TIE1: variants seen among roughly 807,000 people sequenced by gnomAD.
TIE1 encodes tyrosine-protein kinase receptor Tie-1.
In TIE1, 89 loss-of-function variants were observed where a neutral mutation model predicts 130.5. That is an observed-to-expected ratio of 0.68 (90% CI 0.57 to 0.81). The LOEUF (loss-of-function observed/expected upper bound fraction) is 0.81. TIE1 is among the 40% of genes least tolerant of loss of function. TIE1 has a pLI of 0.00. For missense variants in TIE1, 1,392 were observed against 1,559.8 expected (o/e 0.89, Z 1.81); for synonymous variants, 568 against 629.4 (o/e 0.90, Z 1.46).
intron 9 of TIE1, among the ~76,000 whole-genome samples, chr1:43,311,382 C>G (rs1646788920): frequency 6.6e-6 from 1 of 151,878 alleles, no homozygotes; most frequent in Admixed American, 6.6e-5. Flanking sequence ...GGTTTCGGCC[C>G]CTTCTGTCTA....
In TIE1 at chr1:43,315,235, G is replaced by A. The variant is rs1646847941; in HGVS notation, c.2409+1267G>A. Reference sequence around the variant, plus strand: ...CTCTGTCCTTGGCCTTCCAGGCCTGGACTCTTGATATTTAGAGCTAAGCTT... The same window carrying A: ...CTCTGTCCTTGGCCTTCCAGGCCTGAACTCTTGATATTTAGAGCTAAGCTT... On this transcript the variant is annotated intron_variant, in intron 14 of 22. Coordinates refer to ENST00000372476, the MANE Select transcript of TIE1 (RefSeq NM_005424.5). The surrounding 1 kb of genome is among the most constrained non-coding windows in gnomAD (Gnocchi z 4.4). 6.6e-6 allele frequency: 1 copy of A among 152,236 alleles called. No homozygotes were observed. The highest frequency in any genetic ancestry group is 6.5e-5 in the Admixed American group (1 of 15,286). The allele number at this position is 152,236 out of a possible 1,614,324, so 9.4% of individuals were successfully genotyped here. A position where few individuals can be genotyped will look rare whatever the true frequency, so the allele number is the denominator to read the frequency against.
Position 43,304,889 on chromosome 1 carries a change from C to T in TIE1, c.97C>T (p.Leu33Phe). The change falls in exon 2 of 23, where the codon CTC becomes TTC. Residue 33 changes from leucine (L) to phenylalanine (F), a missense_variant. Physicochemically the swap from Leu to Phe is conservative, Grantham distance 22 (BLOSUM62 0). Transcript: ENST00000372476. The stretch of plus-strand genomic sequence containing the variant: ...CCTGACGCTGCTGGCCAACCTGCGG[C>T]TCACGGACCCCCAGCGCTTCTTCCT... Reference protein sequence around the residue: ...VDLTLLANLRLTDPQRFFLTC... With the variant: ...VDLTLLANLRFTDPQRFFLTC... 7.0e-7 allele frequency: 1 copy of T among 1,426,304 alleles called. No homozygotes were observed. 88.4% of individuals were successfully genotyped at this position (1,426,304 alleles called of 1,614,324 possible). A position where few individuals can be genotyped will look rare whatever the true frequency, so the allele number is the denominator to read the frequency against.
Position 43,317,773 on chromosome 1 carries a change from G to A in TIE1, c.2731+99G>A, listed in dbSNP as rs2153912736. 12 of 1,486,482 alleles carry A rather than the reference G, an allele frequency of 8.1e-6. No individual in the cohort carries two copies. The highest frequency in any genetic ancestry group is 1.1e-5 in the Non-Finnish European group (12 of 1,079,282). The allele number at this position is 1,486,482 out of a possible 1,614,324, so 92.1% of individuals were successfully genotyped here. On this transcript the variant is annotated intron_variant, in intron 16 of 22. Coordinates refer to ENST00000372476, the MANE Select transcript of TIE1 (RefSeq NM_005424.5). The surrounding 1 kb of genome is among the most constrained non-coding windows in gnomAD (Gnocchi z 5.1). ...GCTTGCCAGGGGCTGCTGGTGACCT[G>A]TGCACCACCCTTGATCCTCCTTCAT...
chr1:43,319,242 A>C lies in TIE1; in HGVS notation c.2930A>C (p.His977Pro). ...MQYLSEKQFI[H>P]RDLAARNVLV... ...TTCTGACCCTGCCTACAGTTCATCC[A>C]CAGGGACCTGGCTGCCCGGAATGTG... Residue 977 changes from histidine (H) to proline (P), a missense_variant, in exon 18 of 23, where the codon CAC (histidine) becomes CCC (proline). Coordinates refer to ENST00000372476, the MANE Select transcript of TIE1 (RefSeq NM_005424.5). The surrounding 1 kb of genome is among the most constrained non-coding windows in gnomAD (Gnocchi z 4.7). The C allele has an allele frequency of 6.2e-7, 1 of 1,613,696 alleles. No homozygotes were observed. Among genetic ancestry groups the C allele is most frequent in the African/African-American group, 1.3e-5 (1 of 74,922 alleles).
In TIE1 at chr1:43,305,153, A is replaced by G; in HGVS notation, c.361A>G (p.Asn121Asp). ...GCGCACGCGCGTCATCTACGTGCACAACAGCCCTGGAGGTGAGTTAGGCAG... is the reference window on the plus strand; with the variant it reads ...GCGCACGCGCGTCATCTACGTGCACGACAGCCCTGGAGGTGAGTTAGGCAG... The part of the protein sequence containing the change: ...ARRTRVIYVH[N>D]SPGAHLLPDK... Residue 121 changes from asparagine to aspartate, a missense_variant, in exon 2 of 23, where the codon AAC becomes GAC. Coordinates refer to ENST00000372476, the MANE Select transcript of TIE1 (RefSeq NM_005424.5). 1 of 1,614,002 alleles carries G rather than the reference A, an allele frequency of 6.2e-7. No individual in the cohort carries two copies. The highest frequency in any genetic ancestry group is 8.5e-7 in the Non-Finnish European group (1 of 1,179,926).
In TIE1 at chr1:43,321,399, GTAC is replaced by G; in HGVS notation, c.3153_3155del (p.Thr1052del). The stretch of plus-strand genomic sequence containing the variant: ...AGCACTTTGTCCCCTCCTGCAGGAG[GTAC>G]ACCCTACTGTGGCATGACCTGTGCC... On this transcript the variant is annotated inframe_deletion, in exon 21 of 23. Transcript: ENST00000372476. 6.2e-7 allele frequency: 1 copy of G among 1,613,958 alleles called. No individual in the cohort carries two copies. Among genetic ancestry groups the G allele is most frequent in the Non-Finnish European group, 8.5e-7 (1 of 1,179,954 alleles).
rs1570443678 is a variant in TIE1, at chr1:43,313,393, G to A, written c.2186G>A (p.Ser729Asn). The A allele has an allele frequency of 6.2e-7, 1 of 1,614,026 alleles. No homozygotes were observed. Among genetic ancestry groups the A allele is most frequent in the South Asian group, 1.1e-5 (1 of 91,088 alleles). ...RASIQGLGDW[S>N]NTVEESTLGN... is the part of the protein sequence containing the mutation. The stretch of plus-strand genomic sequence containing the variant: ...AGCATTCAGGGGCTCGGGGACTGGA[G>A]CAACACAGTAGAAGAGTCCACCCTG... The change falls in exon 13 of 23, where the codon AGC becomes AAC. Residue 729 changes from serine (S) to asparagine (N), a missense_variant. Ser to Asn is a conservative substitution (Grantham distance 46). Coordinates refer to ENST00000372476, the MANE Select transcript of TIE1 (RefSeq NM_005424.5). The surrounding 1 kb of genome is among the most constrained non-coding windows in gnomAD (Gnocchi z 6.2).
intron 3 of TIE1, among the ~76,000 whole-genome samples, chr1:43,305,651 C>T (rs1421588727): frequency 6.6e-6 from 1 of 152,204 alleles, no homozygotes; most frequent in African/African-American, 2.4e-5. Flanking sequence ...TGTCACATAG[C>T]CCACCTGGCA....
chr1:43,311,960 GC>G, intron 10 of TIE1, 33 bp from the exon 11 acceptor site: 2 of 1,563,024 alleles, frequency 1.3e-6, no homozygotes. Context: ...AGAGGTGGGG[GC>G]TGAATAATGT....
At position 43,313,881 on chromosome 1, in the gene TIE1, C is replaced by T. The variant is rs1234913758; in HGVS notation, c.2322C>T (p.Leu774=). ...TGGGCTCCGTGTCTGCCACCTGCCT[C>T]ACCATCCTGGCTGCCCTTTTAACCC... The part of the protein sequence containing the change: ...AVVGSVSATC[L]TILAALLTLV... The change falls in exon 14 of 23, where the codon CTC becomes CTT. Residue 774 remains leucine (L), a synonymous_variant. Coordinates refer to ENST00000372476, the MANE Select transcript of TIE1 (RefSeq NM_005424.5). The surrounding 1 kb of genome is among the most constrained non-coding windows in gnomAD (Gnocchi z 6.2). 10 of 1,614,136 alleles carry T rather than the reference C, an allele frequency of 6.2e-6. No individual in the cohort carries two copies. The highest frequency in any genetic ancestry group is 8.5e-6 in the Non-Finnish European group (10 of 1,180,018).
chr1:43,309,523 A>G lies in TIE1; in HGVS notation c.1324A>G (p.Asn442Asp), dbSNP rs747077116. The change falls in exon 9 of 23, where the codon AAT becomes GAT. Residue 442 changes from asparagine (N) to aspartate (D), a missense_variant. By Grantham distance (23) the Asn-to-Asp change is conservative. Transcript: ENST00000372476. This position sits in a 1 kb window ranked among gnomAD's most constrained non-coding sequence, Gnocchi z 6.3. ...CCAAGACAGCCGGCGCTTCAAGGTCAATGTGAAAGGTCAGTGATGTCCTAG... is the reference window on the plus strand; with the variant it reads ...CCAAGACAGCCGGCGCTTCAAGGTCGATGTGAAAGGTCAGTGATGTCCTAG... Reference protein sequence around the residue: ...GGQDSRRFKVNVKVPPVPLAA... With the variant: ...GGQDSRRFKVDVKVPPVPLAA... 1.4e-5 allele frequency: 22 copies of G among 1,587,212 alleles called. No homozygotes were observed. In the South Asian group the frequency reaches 2.5e-4, roughly 18 times the overall value.
At chr1:43,301,823 C>T (rs941745688) in intron 1 of TIE1, among the ~76,000 whole-genome samples, 12 of 152,134 alleles carry the variant, frequency 7.9e-5, no homozygotes, top group Admixed American at 2.0e-4. Context: ...GAGCTGAGAT[C>T]GCGCCACTGC....
In TIE1 at chr1:43,307,259, C is replaced by T. The variant is rs750199271; in HGVS notation, c.758C>T (p.Thr253Ile). 3.1e-6 allele frequency: 5 copies of T among 1,614,002 alleles called. No homozygotes were observed. In the African/African-American group the frequency reaches 4.0e-5, roughly 13 times the overall value. ...GTATGCCCCCCTGGCTTCACTGGCACCCGCTGTGAACAGGGTAAGGAGGAG... is the reference window on the plus strand; with the variant it reads ...GTATGCCCCCCTGGCTTCACTGGCATCCGCTGTGAACAGGGTAAGGAGGAG... The part of the protein sequence containing the change: ...ECVCPPGFTG[T>I]RCEQACREGR... Residue 253 changes from threonine to isoleucine, a missense_variant, in exon 5 of 23, where the codon ACC (threonine) becomes ATC (isoleucine). Around this residue, in one of 6 missense-constraint regions of TIE1, gnomAD observed 415 missense variants for 424.8 expected, o/e 0.98. Coordinates refer to ENST00000372476, the MANE Select transcript of TIE1 (RefSeq NM_005424.5). The surrounding 1 kb of genome is among the most constrained non-coding windows in gnomAD (Gnocchi z 5.4).
Position 43,308,989 on chromosome 1 carries a change from G to A in TIE1, c.1046G>A (p.Arg349Gln), listed in dbSNP as rs1008882697. 14 of 1,613,860 alleles carry A rather than the reference G, an allele frequency of 8.7e-6. No individual in the cohort carries two copies. The highest frequency in any genetic ancestry group is 2.2e-5 in the East Asian group (1 of 44,892). The change falls in exon 8 of 23, where the codon CGG becomes CAG. Residue 349 changes from arginine to glutamine, a missense_variant. Coordinates refer to ENST00000372476, the MANE Select transcript of TIE1 (RefSeq NM_005424.5). ...GATGAGTGTCCTTTCTCCCCAGACC[G>A]GATCCCCCAGATCCTCAACATGGCC... The part of the protein sequence containing the change: ...WHGVHCEKSD[R>Q]IPQILNMASE...
At position 43,307,854 on chromosome 1, in the gene TIE1, T is replaced by C; in HGVS notation, c.972T>C (p.Gly324=). 2.5e-6 allele frequency: 4 copies of C among 1,614,164 alleles called. No homozygotes were observed. Among genetic ancestry groups the C allele is most frequent in the East Asian group, 2.2e-5 (1 of 44,882 alleles). Residue 324 remains glycine, a synonymous_variant, in exon 7 of 23, where the codon GGT becomes GGC. Coordinates refer to ENST00000372476, the MANE Select transcript of TIE1 (RefSeq NM_005424.5). The surrounding 1 kb of genome is among the most constrained non-coding windows in gnomAD (Gnocchi z 5.4). ...DCRLQCQCQN[G]GTCDRFSGCV... is the part of the protein sequence containing the mutation. ...GACTCCAGTGCCAGTGTCAGAATGG[T>C]GGCACTTGTGACCGGTTCAGTGGTT... is the stretch of plus-strand genomic sequence containing the variant.
chr1:43,312,595 C>G lies in TIE1; in HGVS notation c.1921C>G (p.Pro641Ala). The change falls in exon 12 of 23, where the codon CCC (proline) becomes GCC (alanine). Residue 641 changes from proline (P) to alanine (A), a missense_variant. Around this residue, in one of 6 missense-constraint regions of TIE1, gnomAD observed 551 missense variants for 565.5 expected, o/e 0.97. Transcript: ENST00000372476. The surrounding 1 kb of genome is among the most constrained non-coding windows in gnomAD (Gnocchi z 5.6). ...ASPPAHVLLP[P>A]SGPPAPRHLH... ...GCCCCCTGCACACGTGCTTCTGCCCCCCAGTGGTATGTGCAAGGCGCAAGG... is the reference window on the plus strand; with the variant it reads ...GCCCCCTGCACACGTGCTTCTGCCCGCCAGTGGTATGTGCAAGGCGCAAGG... The G allele has an allele frequency of 6.2e-7, 1 of 1,603,144 alleles. No individual in the cohort carries two copies. Among genetic ancestry groups the G allele is most frequent in the Non-Finnish European group, 8.5e-7 (1 of 1,174,322 alleles).
In TIE1 at chr1:43,305,125, G is replaced by A. The variant is rs774340072; in HGVS notation, c.333G>A (p.Ala111=). Residue 111 remains alanine, a synonymous_variant, in exon 2 of 23, where the codon GCG becomes GCA. Coordinates refer to ENST00000372476, the MANE Select transcript of TIE1 (RefSeq NM_005424.5). Reference sequence around the variant, plus strand: ...TCTCCTGCGTGGGCGGTGCTGGGGCGCGGCGCACGCGCGTCATCTACGTGC... The same window carrying A: ...TCTCCTGCGTGGGCGGTGCTGGGGCACGGCGCACGCGCGTCATCTACGTGC... The part of the protein sequence containing the change: ...GVFSCVGGAG[A]RRTRVIYVHN... The A allele has an allele frequency of 6.2e-7, 1 of 1,613,756 alleles. No individual in the cohort carries two copies. The highest frequency in any genetic ancestry group is 8.5e-7 in the Non-Finnish European group (1 of 1,179,812).
In TIE1 at chr1:43,317,917, G is replaced by A. The variant is rs532466120; in HGVS notation, c.2767G>A (p.Gly923Arg). 1.4e-5 allele frequency: 23 copies of A among 1,614,116 alleles called. No homozygotes were observed. Among genetic ancestry groups the A allele is most frequent in the South Asian group, 8.8e-5 (8 of 91,072 alleles). ...LYIAIEYAPYGNLLDFLRKSR... is the reference protein window; with the variant it reads ...LYIAIEYAPYRNLLDFLRKSR... Reference sequence around the variant, plus strand: ...TATCGCTATTGAATATGCCCCCTACGGGAACCTGCTAGATTTTCTGCGGAA... The same window carrying A: ...TATCGCTATTGAATATGCCCCCTACAGGAACCTGCTAGATTTTCTGCGGAA... The change falls in exon 17 of 23, where the codon GGG becomes AGG. Residue 923 changes from glycine (G) to arginine (R), a missense_variant. Gly to Arg is a moderately radical substitution (Grantham distance 125, BLOSUM62 -2). Coordinates refer to ENST00000372476, the MANE Select transcript of TIE1 (RefSeq NM_005424.5). The surrounding 1 kb of genome is among the most constrained non-coding windows in gnomAD (Gnocchi z 5.1).
At chr1:43,321,232 G>T in intron 19 of TIE1, 37 bp from the exon 20 acceptor site, 1 of 1,612,348 alleles carries the variant, frequency 6.2e-7, no homozygotes, top group Non-Finnish European at 8.5e-7. Flanking sequence ...AGGGACCAGG[G>T]CCTAGAAGGT....
Sources: gnomAD v4.1 joint callset for allele counts (sites outside exome capture counted in the v4.1 genomes callset) on GRCh38, gnomAD v4.1.1 for gene constraint, gnomAD v4.1.1 regional missense constraint, Gnocchi (gnomAD v3.1) non-coding constraint, MANE v1.5 for transcripts, NCBI Gene and HGNC (gene_info 2026-07-23, HGNC 2026-07-21) for gene names.